The following MGAT4C variants were observed in gnomAD, a reference collection of about 807,000 sequenced individuals.
The protein encoded by MGAT4C is MGAT4 family member C.
MGAT4C carries 19 observed loss-of-function variants against 40.1 expected under a neutral mutation model. The ratio of observed to expected loss-of-function variants is 0.47; its 90% CI spans 0.33 to 0.70. The LOEUF (loss-of-function observed/expected upper bound fraction) is 0.70. Among genes scored for constraint, MGAT4C ranks in the 30% least tolerant of loss-of-function variants. The probability of loss-of-function intolerance (pLI) is 0.02; values close to 1 mark genes in which losing one functional copy is unlikely to be tolerated. For missense variants in MGAT4C, 491 were observed against 563.2 expected (o/e 0.87, Z 1.30); for synonymous variants, 181 against 187.1 (o/e 0.97, Z 0.27).
intron 2 of MGAT4C, among the ~76,000 whole-genome samples, chr12:86,622,085 G>A (rs1323785578): frequency 6.6e-6 from 1 of 152,138 alleles, no homozygotes; most frequent in Non-Finnish European, 1.5e-5. Context: ...TAGCTGCAAT[G>A]TTTGGTAGTT....
At chr12:86,678,879 G>C (rs556344954) in intron 2 of MGAT4C, among the ~76,000 whole-genome samples, 1 of 152,066 alleles carries the variant, frequency 6.6e-6, no homozygotes, top group Non-Finnish European at 1.5e-5. Flanking sequence ...TAATAGTGCT[G>C]CAGTAAACAT....
At chr12:86,523,021 T>C (rs747696112) in intron 2 of MGAT4C, among the ~76,000 whole-genome samples, 1 of 152,098 alleles carries the variant, frequency 6.6e-6, no homozygotes, top group Admixed American at 6.6e-5. Context: ...TGGTATTCTA[T>C]CTGTTTCATT....
chr12:86,239,499 A>G (rs1194100196), intron 1 of MGAT4C, among the ~76,000 whole-genome samples: 1 of 152,096 alleles, frequency 6.6e-6, no homozygotes, highest in African/African-American at 2.4e-5. Context: ...ATTAAAATTA[A>G]TATGTATTCA....
chr12:86,670,960 AT>A (rs1407834890), intron 2 of MGAT4C, among the ~76,000 whole-genome samples: 1 of 152,140 alleles, frequency 6.6e-6, no homozygotes, highest in African/African-American at 2.4e-5. Flanking sequence ...ATACCATTCT[AT>A]TTTTTTGTCA....
chr12:86,821,926 C>T (rs1322742232), intron 1 of MGAT4C, among the ~76,000 whole-genome samples: 4 of 150,518 alleles, frequency 2.7e-5, no homozygotes, highest in South Asian at 2.1e-4. Flanking sequence ...ATTATTATAA[C>T]GGTGGTAGGT....
intron 2 of MGAT4C, among the ~76,000 whole-genome samples, chr12:86,646,009 A>T (rs927572793): frequency 3.3e-5 from 5 of 151,848 alleles, no homozygotes; most frequent in Non-Finnish European, 7.4e-5. Flanking sequence ...ATATTTTTTC[A>T]AAGTCTCAAG....
intron 1 of MGAT4C, among the ~76,000 whole-genome samples, chr12:86,793,262 G>T (rs1052673456): frequency 1.8e-4 from 28 of 151,926 alleles, no homozygotes; most frequent in African/African-American, 6.8e-4. Flanking sequence ...TCACAGGAGG[G>T]CATCATTACT....
At chr12:86,764,764 G>A (rs544730898) in intron 1 of MGAT4C, among the ~76,000 whole-genome samples, 11 of 152,174 alleles carry the variant, frequency 7.2e-5, no homozygotes, top group African/African-American at 2.7e-4. Context: ...AGGGTCTGGA[G>A]TGGACCTCTA....
rs536095233 is a variant in MGAT4C at position 86,797,012 on chromosome 12, T to C, written c.-262+41654A>G. Among the ~76,000 whole-genome samples, 6 of 152,050 alleles carry C rather than the reference T, an allele frequency of 3.9e-5. No homozygotes were observed. In the South Asian group the frequency reaches 1.2e-3, roughly 31 times the overall value. On this transcript the variant is annotated intron_variant, in intron 1 of 7. Coordinates refer to the MGAT4C transcript ENST00000548651. Reference sequence around the variant, plus strand: ...GGTAGGGATGGATGGCTTATCTTTTTGACTAATACACTGGGTGAATATCTC... The same window carrying C: ...GGTAGGGATGGATGGCTTATCTTTTCGACTAATACACTGGGTGAATATCTC...
At chr12:86,057,703 G>A (rs2136991334) in intron 1 of MGAT4C, among the ~76,000 whole-genome samples, 1 of 152,230 alleles carries the variant, frequency 6.6e-6, no homozygotes, top group East Asian at 1.9e-4. Flanking sequence ...ACCCAACGCT[G>A]TAACCTCAAG....
At chr12:86,242,655 C>T (rs1472624829) in intron 1 of MGAT4C, among the ~76,000 whole-genome samples, 1 of 151,904 alleles carries the variant, frequency 6.6e-6, no homozygotes, top group African/African-American at 2.4e-5. Flanking sequence ...AAAATAGGGT[C>T]TTTAAAGGCA....
intron 2 of MGAT4C, among the ~76,000 whole-genome samples, chr12:86,621,478 T>A (rs184849018): frequency 6.6e-6 from 1 of 152,262 alleles, no homozygotes; most frequent in Admixed American, 6.5e-5. Flanking sequence ...TTTGATCGGT[T>A]GGCTGGTTGG....
intron 1 of MGAT4C, among the ~76,000 whole-genome samples, chr12:86,766,773 G>A (rs1387652726): frequency 6.6e-6 from 1 of 152,026 alleles, no homozygotes; most frequent in East Asian, 1.9e-4. Context: ...TGACTACTGG[G>A]TACATAACAA....
chr12:86,637,685 C>T (rs969725364), intron 2 of MGAT4C, among the ~76,000 whole-genome samples: 2 of 151,838 alleles, frequency 1.3e-5, no homozygotes, highest in African/African-American at 4.8e-5. Context: ...ATTTCATTTC[C>T]TATGATTATC....
rs111352759 is a variant in MGAT4C, at chr12:86,453,024, A to G, written c.-228-17759T>C. On this transcript the variant is annotated intron_variant, in intron 2 of 7. Transcript: ENST00000548651. Reference sequence around the variant, plus strand: ...TTTAAAACTCTTATTGTTGCTCTTCATGAGGGAATAAGTCTTATATCTGTT... The same window carrying G: ...TTTAAAACTCTTATTGTTGCTCTTCGTGAGGGAATAAGTCTTATATCTGTT... 6.7e-3 allele frequency among the ~76,000 whole-genome samples: 1,018 copies of G among 152,222 alleles called. 11 individuals are homozygous for G. The highest frequency in any genetic ancestry group is 0.023 in the African/African-American group (971 of 41,542).
intron 4 of MGAT4C, among the ~76,000 whole-genome samples, chr12:86,314,085 G>T (rs1954140147): frequency 6.6e-6 from 1 of 152,112 alleles, no homozygotes; most frequent in Non-Finnish European, 1.5e-5. Context: ...ATTATTTCAG[G>T]AGCACAATAA....
intron 2 of MGAT4C, among the ~76,000 whole-genome samples, chr12:86,687,476 T>C (rs748006725): frequency 3.3e-5 from 5 of 152,230 alleles, no homozygotes; most frequent in Non-Finnish European, 5.9e-5. Context: ...GGGCAGTTAG[T>C]GCTATCAATT....
chr12:86,396,913 CTTCTTTT>C (rs976967075), intron 3 of MGAT4C, among the ~76,000 whole-genome samples: 1 of 11,234 alleles, frequency 8.9e-5, no homozygotes, highest in Non-Finnish European at 1.6e-4. Flanking sequence ...AGTCTTCCTT[CTTCTTTT>C]TTCTTAATAC....
chr12:86,326,844 A>G (rs979308375), intron 4 of MGAT4C, among the ~76,000 whole-genome samples: 1 of 152,146 alleles, frequency 6.6e-6, no homozygotes, highest in Non-Finnish European at 1.5e-5. Flanking sequence ...AGTCACTTTA[A>G]AGGAGCCTTA....
Sources: allele counts gnomAD v4.1 joint callset (sites outside exome capture counted in the v4.1 genomes callset), GRCh38; gene constraint gnomAD v4.1.1; transcripts MANE v1.5; gene names NCBI Gene and HGNC (gene_info 2026-07-23, HGNC 2026-07-21).